PIEZO1: variants seen among roughly 807,000 people sequenced by gnomAD.
PIEZO1 encodes the protein piezo-type mechanosensitive ion channel component 1.
A neutral mutation model predicts 297.2 loss-of-function variants in PIEZO1; 296 were observed. The ratio of observed to expected loss-of-function variants is 1.00; its 90% confidence interval spans 0.91 to 1.10. The LOEUF (loss-of-function observed/expected upper bound fraction) is 1.10, where lower values mean the gene tolerates loss of function less well. Among genes scored for constraint, PIEZO1 ranks in the 50% least tolerant of loss-of-function variants. The pLI is 0.00. For synonymous variants in PIEZO1, 2,427 were observed against 1,507.5 expected (o/e 1.61, Z -14.13); for missense variants, 5,018 against 3,455.5 (o/e 1.45, Z -11.34).
intron 2 of PIEZO1, among the ~76,000 whole-genome samples, chr16:88,748,769 A>G (rs1044975489): frequency 5.3e-5 from 8 of 151,982 alleles, no homozygotes; most frequent in African/African-American, 1.7e-4. Flanking sequence ...TCTACAATGA[A>G]AATAAGAAAC....
Position 88,735,022 on chromosome 16 carries a change from G to A in PIEZO1, c.1701C>T (p.Ser567=), listed in dbSNP as rs865805945. 5 of 1,550,476 alleles carry A rather than the reference G, an allele frequency of 3.2e-6. No individual in the cohort carries two copies. Among genetic ancestry groups the A allele is most frequent in the African/African-American group, 1.4e-5 (1 of 73,188 alleles). Residue 567 remains serine, a synonymous_variant, in exon 14 of 51, where the codon AGC becomes AGT. Transcript: ENST00000301015. ...EPTRTQTLLQ[S]LGELVKGVYA... ...ACACGCCCTTCACCAGCTCCCCCAG[G>A]CTCTGCAACAGCGTCTGCGTCCGCG...
At chr16:88,726,057 A>G in intron 27 of PIEZO1, 1 of 577,982 alleles carries the variant, frequency 1.7e-6, no homozygotes, top group South Asian at 2.2e-5. Context: ...GACACCAGCC[A>G]CCGTCAGCAC....
At chr16:88,742,676 GA>G in intron 2 of PIEZO1, 4 of 494,038 alleles carry the variant, frequency 8.1e-6, no homozygotes, top group East Asian at 3.8e-5. Context: ...CCACAGGCAG[GA>G]AAAGGCCTCC....
intron 1 of PIEZO1, among the ~76,000 whole-genome samples, chr16:88,755,494 G>A (rs997943724): frequency 6.6e-6 from 1 of 152,220 alleles, no homozygotes; most frequent in African/African-American, 2.4e-5. Context: ...TCCTCCCAGG[G>A]CACGATACGA....
intron 1 of PIEZO1, among the ~76,000 whole-genome samples, chr16:88,783,477 C>G (rs1263320323): frequency 6.6e-6 from 1 of 152,258 alleles, no homozygotes; most frequent in Non-Finnish European, 1.5e-5. Context: ...CGCTCCCACT[C>G]AGACACAAGA....
In PIEZO1 at chr16:88,727,655, G is replaced by C; in HGVS notation, c.3203C>G (p.Pro1068Arg). The change falls in exon 23 of 51, where the codon CCC becomes CGC. Residue 1068 changes from proline (P) to arginine (R), a missense_variant. By Grantham distance (103) the Pro-to-Arg change is moderately radical (BLOSUM62 -2). Transcript: ENST00000301015. ...GGGGACGGCCCGGCTCCAGCGCCAG[G>C]GATAATCTGGGGGAAGGGGTGTCAT... is the stretch of plus-strand genomic sequence containing the variant. Reference protein sequence around the residue: ...GMPPALCIDYPWRWSRAVPMN... With the variant: ...GMPPALCIDYRWRWSRAVPMN... 6.9e-7 allele frequency: 1 copy of C among 1,457,618 alleles called. No individual in the cohort carries two copies. Among genetic ancestry groups the C allele is most frequent in the Non-Finnish European group, 9.2e-7 (1 of 1,088,842 alleles). The allele number at this position is 1,457,618 out of a possible 1,614,324, so 90.3% of individuals were successfully genotyped here.
At chr16:88,731,347 C>T (rs961859718) in intron 22 of PIEZO1, 77 of 255,312 alleles carry the variant, frequency 3.0e-4, no homozygotes, top group African/African-American at 1.5e-3. Flanking sequence ...ACCCAGGAGA[C>T]GCATGCTCGA....
intron 5 of PIEZO1, 21 bp from the exon 6 acceptor site, chr16:88,738,757 G>A: frequency 6.6e-7 from 1 of 1,521,510 alleles, no homozygotes; most frequent in South Asian, 1.2e-5. Context: ...CACGGACAGG[G>A]GCAAGGTCAG....
intron 1 of PIEZO1, among the ~76,000 whole-genome samples, chr16:88,758,773 T>G (rs141594242): frequency 8.0e-4 from 122 of 152,304 alleles, no homozygotes; most frequent in African/African-American, 2.8e-3. Flanking sequence ...AGTTTGTTCG[T>G]CTATAAATCA....
intron 1 of PIEZO1, among the ~76,000 whole-genome samples, chr16:88,770,183 G>T: frequency 6.6e-6 from 1 of 152,162 alleles, no homozygotes; most frequent in Non-Finnish European, 1.5e-5. Context: ...GGTCTGTCGG[G>T]ACAGAACCTG....
intron 2 of PIEZO1, among the ~76,000 whole-genome samples, chr16:88,747,282 G>A (rs560295203): frequency 4.0e-5 from 6 of 150,576 alleles, no homozygotes; most frequent in East Asian, 2.0e-4. Context: ...AGTCTCGGCC[G>A]AGGTGGGCAG....
At chr16:88,780,755 G>A (rs1907893252) in intron 1 of PIEZO1, among the ~76,000 whole-genome samples, 1 of 152,208 alleles carries the variant, frequency 6.6e-6, no homozygotes, top group South Asian at 2.1e-4. Flanking sequence ...AAGGTCAGGA[G>A]TTCAAGGCCA....
intron 1 of PIEZO1, among the ~76,000 whole-genome samples, chr16:88,757,042 C>T (rs1047414821): frequency 1.1e-4 from 17 of 152,190 alleles, no homozygotes; most frequent in Non-Finnish European, 2.1e-4. Flanking sequence ...GGACACTGCA[C>T]TCCAGCCTGG....
At chr16:88,735,112 C>G in intron 13 of PIEZO1, 23 bp downstream of exon 13, 3 of 1,549,824 alleles carry the variant, frequency 1.9e-6, no homozygotes, top group East Asian at 2.4e-5. Context: ...GAGGGCAACC[C>G]CCGCCTCTGG....
At chr16:88,723,384 G>A in intron 31 of PIEZO1, 56 bp from the exon 32 acceptor site, 2 of 1,528,982 alleles carry the variant, frequency 1.3e-6, no homozygotes, top group Admixed American at 3.9e-5. Context: ...GACCCAGGCG[G>A]GAAGCTGGGG....
intron 1 of PIEZO1, among the ~76,000 whole-genome samples, chr16:88,780,197 C>A (rs766036140): frequency 6.6e-6 from 1 of 152,210 alleles, no homozygotes; most frequent in Non-Finnish European, 1.5e-5. Flanking sequence ...GGGACTCAAC[C>A]GCCAAGGAGA....
At chr16:88,761,575 A>G (rs568486992) in intron 1 of PIEZO1, among the ~76,000 whole-genome samples, 1 of 152,232 alleles carries the variant, frequency 6.6e-6, no homozygotes, top group South Asian at 2.1e-4. Context: ...GTTCTCCCCG[A>G]TGCTGCTCAG....
chr16:88,755,008 G>C (rs1472187940), intron 1 of PIEZO1, among the ~76,000 whole-genome samples: 1 of 152,254 alleles, frequency 6.6e-6, no homozygotes, highest in Non-Finnish European at 1.5e-5. Flanking sequence ...AGGGAGAGGA[G>C]AGGCCTAACC....
rs1168624548 is a variant in PIEZO1, at chr16:88,716,544, A to C, written c.6926+15T>G. On this transcript the variant is annotated intron_variant, in intron 47 of 50. Transcript: ENST00000301015. ...GGTCCACCCACCCAGGCACTGCCCC[A>C]AGTCCAGGACGAACCTCTGGAAGTT... 1.6e-5 allele frequency: 24 copies of C among 1,538,854 alleles called. No individual in the cohort carries two copies. Among genetic ancestry groups the C allele is most frequent in the Non-Finnish European group, 2.0e-5 (23 of 1,139,398 alleles).
Sources: gnomAD v4.1 joint callset for allele counts (sites outside exome capture counted in the v4.1 genomes callset) on GRCh38, gnomAD v4.1.1 for gene constraint, MANE v1.5 for transcripts, NCBI Gene and HGNC (gene_info 2026-07-23, HGNC 2026-07-21) for gene names.